Variants in DCST1 observed in about 807,000 individuals in gnomAD.
DCST1 encodes DC-STAMP domain containing 1.
In DCST1, 78 loss-of-function variants were observed where a neutral mutation model predicts 89.1. That is an observed-to-expected ratio of 0.88 (90% CI 0.73 to 1.06). The LOEUF is 1.06. Among genes scored for constraint, DCST1 ranks in the 50% least tolerant of loss-of-function variants. DCST1 has a pLI of 0.00. For missense variants in DCST1, 900 were observed against 928.6 expected (o/e 0.97, Z 0.40); for synonymous variants, 364 against 371.9 (o/e 0.98, Z 0.24).
At position 155,034,424 on chromosome 1, in the gene DCST1, C is replaced by T. The variant is rs777399154; in HGVS notation, c.62-11C>T. 6 of 1,613,864 alleles carry T rather than the reference C, an allele frequency of 3.7e-6. No individual in the cohort carries two copies. The African/African-American group carries it at 6.7e-5, about 18-fold the overall frequency. ...AGAGTGGGCTGTTGAGCTACCCTGT[C>T]CCCCTCTTAGCGGTGCAGAGGCTCC... On this transcript the variant is annotated splice_polypyrimidine_tract_variant and intron_variant, in intron 2 of 16. Coordinates refer to ENST00000295542, the MANE Select transcript of DCST1 (RefSeq NM_152494.4).
chr1:155,040,918 G>A (rs1193418857), intron 6 of DCST1, among the ~76,000 whole-genome samples: 1 of 152,164 alleles, frequency 6.6e-6, no homozygotes, highest in African/African-American at 2.4e-5. Flanking sequence ...GCCTTGAGTA[G>A]CTCAGAAGTT....
Position 155,040,642 on chromosome 1 carries a change from G to A in DCST1, c.531+18G>A. The stretch of plus-strand genomic sequence containing the variant: ...ACCTGCTGGTCAGGAATCTGCACAG[G>A]CAGAGCCTGGGGGGTCCCTCTCCCT... On this transcript the variant is annotated intron_variant, in intron 6 of 16. Transcript: ENST00000295542. The A allele has an allele frequency of 1.3e-6, 2 of 1,551,232 alleles. No individual in the cohort carries two copies. Among genetic ancestry groups the A allele is most frequent in the Non-Finnish European group, 1.7e-6 (2 of 1,144,976 alleles).
chr1:155,037,836 G>C (rs1036476382), intron 4 of DCST1, among the ~76,000 whole-genome samples: 3 of 152,186 alleles, frequency 2.0e-5, no homozygotes, highest in Non-Finnish European at 4.4e-5. Context: ...TAGCTCCATG[G>C]GGCTCTCATT....
At chr1:155,034,851 T>C in intron 4 of DCST1, 124 bp downstream of exon 4, 6 of 1,040,732 alleles carry the variant, frequency 5.8e-6, no homozygotes, top group Non-Finnish European at 8.7e-6. Context: ...GGCTTCCGCC[T>C]CCTCCTGGGC....
At chr1:155,042,928 G>C in intron 9 of DCST1, 72 bp downstream of exon 9, 1 of 1,579,188 alleles carries the variant, frequency 6.3e-7, no homozygotes, top group Non-Finnish European at 8.6e-7. Context: ...AATAGAGCTA[G>C]AGGAAGGACA....
chr1:155,040,372 C>A, intron 5 of DCST1, 113 bp from the exon 6 acceptor site: 1 of 1,160,196 alleles, frequency 8.6e-7, no homozygotes, highest in Non-Finnish European at 1.2e-6. Context: ...AGGCTCTCGG[C>A]CCCACCACTG....
chr1:155,039,208 A>C (rs888374871), intron 4 of DCST1, among the ~76,000 whole-genome samples, 195 bp from the exon 5 acceptor site: 1 of 152,222 alleles, frequency 6.6e-6, no homozygotes, highest in Non-Finnish European at 1.5e-5. Context: ...ACTGGCACAT[A>C]GCTAAACTCT....
Position 155,050,659 on chromosome 1 carries a change from C to T in DCST1, c.1912C>T (p.Leu638=), listed in dbSNP as rs1269179065. ...TATCCTGCACCGCGGCTGCCCGCTC[C>T]TGCGCCGCTGGCTGTGCCGGCGCTG... is the stretch of plus-strand genomic sequence containing the variant. ...ADILHRGCPL[L]RRWLCRRCVV... The change falls in exon 17 of 17, where the codon CTG becomes TTG. Residue 638 remains leucine, a synonymous_variant. Transcript: ENST00000295542. The T allele has an allele frequency of 4.4e-6, 7 of 1,599,972 alleles. No individual in the cohort carries two copies. Among genetic ancestry groups the T allele is most frequent in the Admixed American group, 1.7e-5 (1 of 59,368 alleles).
Position 155,047,901 on chromosome 1 carries a change from G to A in DCST1, c.1727G>A (p.Arg576Lys). Reference sequence around the variant, plus strand: ...CAGGCTTTTGGCTACCGACTCCGGAGGGTCATCGCAGCCTTCTACTTCCCC... The same window carrying A: ...CAGGCTTTTGGCTACCGACTCCGGAAGGTCATCGCAGCCTTCTACTTCCCC... ...LLQAFGYRLR[R>K]VIAAFYFPKR... The change falls in exon 15 of 17, where the codon AGG becomes AAG. Residue 576 changes from arginine to lysine, a missense_variant. Coordinates refer to ENST00000295542, the MANE Select transcript of DCST1 (RefSeq NM_152494.4). The A allele has an allele frequency of 1.5e-5, 25 of 1,614,108 alleles. No homozygotes were observed. The highest frequency in any genetic ancestry group is 2.0e-5 in the Non-Finnish European group (24 of 1,180,018).
At chr1:155,040,691 G>A in intron 6 of DCST1, 67 bp downstream of exon 6, 2 of 1,488,756 alleles carry the variant, frequency 1.3e-6, no homozygotes, top group African/African-American at 2.8e-5. Flanking sequence ...CTTGAGCTGG[G>A]AGTTGTCACC....
chr1:155,047,405 T>G (rs1660688193), intron 14 of DCST1, 93 bp downstream of exon 14: 1 of 1,174,938 alleles, frequency 8.5e-7, no homozygotes, highest in Non-Finnish European at 1.2e-6. Flanking sequence ...GCCTGGGCCT[T>G]GGGTGTGGAG....
At chr1:155,046,598 C>CACT in intron 13 of DCST1, 112 bp downstream of exon 13, 8 of 415,776 alleles carry the variant, frequency 1.9e-5, no homozygotes, top group Non-Finnish European at 2.4e-5. Context: ...GTCCTTCTGC[C>CACT]TCTTTTTTTT....
intron 14 of DCST1, 82 bp downstream of exon 14, chr1:155,047,394 G>A: frequency 1.6e-6 from 2 of 1,283,438 alleles, no homozygotes; most frequent in Non-Finnish European, 1.1e-6. Context: ...AAGAGTTAGG[G>A]GCCTGGGCCT....
chr1:155,039,990 CAAAAAAA>C (rs55764638), intron 5 of DCST1, among the ~76,000 whole-genome samples: 3 of 13,384 alleles, frequency 2.2e-4, no homozygotes, highest in African/African-American at 4.0e-4. Flanking sequence ...GACTCCGTCT[CAAAAAAA>C]AAAAAAAAAA....
chr1:155,043,425 T>TGTACC lies in DCST1; in HGVS notation c.1090_1094dup (p.Gln366ThrfsTer90). ...GTGAGCACCGAGGTGCGGGACTACGTGTACCGCCAGGAGGCCCGGCTGGAG... is the reference window on the plus strand; with the variant it reads ...GTGAGCACCGAGGTGCGGGACTACGTGTACCGTACCGCCAGGAGGCCCGGCTGGAG... On this transcript the variant is annotated frameshift_variant, in exon 10 of 17. Transcript: ENST00000295542. LOFTEE classifies it high-confidence loss of function. The TGTACC allele has an allele frequency of 6.2e-7, 1 of 1,611,392 alleles. No individual in the cohort carries two copies. The highest frequency in any genetic ancestry group is 8.5e-7 in the Non-Finnish European group (1 of 1,178,274).
At chr1:155,043,799 A>AT (rs906729387) in intron 10 of DCST1, among the ~76,000 whole-genome samples, 1 of 149,584 alleles carries the variant, frequency 6.7e-6, no homozygotes, top group Non-Finnish European at 1.5e-5. Context: ...TTGACTTTTG[A>AT]TTTTTTCTTG....
Position 155,045,950 on chromosome 1 carries a change from C to T in DCST1, c.1230C>T (p.Ile410=). 2 of 1,614,234 alleles carry T rather than the reference C, an allele frequency of 1.2e-6. No homozygotes were observed. Among genetic ancestry groups the T allele is most frequent in the Non-Finnish European group, 8.5e-7 (1 of 1,180,052 alleles). The change falls in exon 11 of 17, where the codon ATC becomes ATT. Residue 410 remains isoleucine, a synonymous_variant. Coordinates refer to ENST00000295542, the MANE Select transcript of DCST1 (RefSeq NM_152494.4). The part of the protein sequence containing the change: ...NHDIRFDNIY[I]STYFCQIDDR... ...ACATTCGTTTTGACAACATCTACATCAGTACCTACTTCTGCCAGATCGATG... is the reference window on the plus strand; with the variant it reads ...ACATTCGTTTTGACAACATCTACATTAGTACCTACTTCTGCCAGATCGATG...
rs776532446 is a variant in DCST1, at chr1:155,043,462, G to A, written c.1125G>A (p.Gly375=). The A allele has an allele frequency of 3.4e-5, 55 of 1,611,366 alleles. No homozygotes were observed. The Middle Eastern group carries it at 5.2e-4, about 15-fold the overall frequency. ...RQEARLEWAL[G]LLHVLLSCTF... Reference sequence around the variant, plus strand: ...AGGCCCGGCTGGAGTGGGCCCTGGGGCTGCTGCACGTGCTGCTCTCCTGCA... The same window carrying A: ...AGGCCCGGCTGGAGTGGGCCCTGGGACTGCTGCACGTGCTGCTCTCCTGCA... Residue 375 remains glycine (G), a synonymous_variant, in exon 10 of 17, where the codon GGG becomes GGA. Transcript: ENST00000295542.
chr1:155,039,330 G>C, intron 4 of DCST1, 73 bp from the exon 5 acceptor site: 1 of 1,449,632 alleles, frequency 6.9e-7, no homozygotes, highest in Non-Finnish European at 9.1e-7. Flanking sequence ...TTGCAGGTGG[G>C]TGCTCTGGTA....
Sources: gnomAD v4.1 joint callset for allele counts (sites outside exome capture counted in the v4.1 genomes callset) on GRCh38, gnomAD v4.1.1 for gene constraint, MANE v1.5 for transcripts, NCBI Gene and HGNC (gene_info 2026-07-23, HGNC 2026-07-21) for gene names.